KISS1: variants seen among roughly 807,000 people sequenced by gnomAD.
The protein encoded by KISS1 is KiSS-1 metastasis suppressor.
For synonymous variants in KISS1, 97 were observed against 88.7 expected, an observed-to-expected ratio of 1.09 and a Z score of -0.52; for missense variants, 182 against 182.7, an observed-to-expected ratio of 1.00 and a Z score of 0.02.
In KISS1 at chr1:204,190,409, T is replaced by TTGGCCCCCCCCCCCCCC; in HGVS notation, c.*74_*75insGGGGGGGGGGGGGGCCA. Reference sequence around the variant, plus strand: ...CAGCGCCCCCTCCCTTAGCCCTACGTCCCCGCCCCCCGCCCCCGCCCCGCA... The same window carrying TTGGCCCCCCCCCCCCCC: ...CAGCGCCCCCTCCCTTAGCCCTACGTTGGCCCCCCCCCCCCCCCCCCGCCCCCCGCCCCCGCCCCGCA... On this transcript the variant is annotated 3_prime_UTR_variant, in exon 3 of 3. Transcript: ENST00000367194. 2 of 570,138 alleles carry TTGGCCCCCCCCCCCCCC rather than the reference T, an allele frequency of 3.5e-6. No homozygotes were observed. The highest frequency in any genetic ancestry group is 6.2e-6 in the Non-Finnish European group (2 of 320,586). The allele number at this position is 570,138 out of a possible 1,614,324, so 35.3% of individuals were successfully genotyped here. A position where few individuals can be genotyped will look rare whatever the true frequency, so the allele number is the denominator to read the frequency against.
Position 204,190,416 on chromosome 1 carries a change from C to CAA in KISS1, c.*67_*68insTT, listed in dbSNP as rs35128240. The CAA allele has an allele frequency of 7.4e-5, 45 of 606,962 alleles. 3 individuals are homozygous for CAA. The highest frequency in any genetic ancestry group is 2.4e-5 in the Non-Finnish European group (8 of 337,298). The allele number at this position is 606,962 out of a possible 1,614,324, so 37.6% of individuals were successfully genotyped here. A position where few individuals can be genotyped will look rare whatever the true frequency, so the allele number is the denominator to read the frequency against. The stretch of plus-strand genomic sequence containing the variant: ...CCCTCCCTTAGCCCTACGTCCCCGC[C>CAA]CCCCGCCCCCGCCCCGCATGCTCTG... On this transcript the variant is annotated 3_prime_UTR_variant, in exon 3 of 3. Transcript: ENST00000367194.
At chr1:204,196,086 T>C (rs932028738) in intron 1 of KISS1, among the ~76,000 whole-genome samples, 14 of 152,230 alleles carry the variant, frequency 9.2e-5, no homozygotes, top group African/African-American at 3.1e-4. Flanking sequence ...TGGTCTCTAA[T>C]TCCAGCCACA....
intron 1 of KISS1, among the ~76,000 whole-genome samples, chr1:204,194,090 C>G (rs765264933): frequency 1.3e-5 from 2 of 152,120 alleles, no homozygotes; most frequent in Non-Finnish European, 2.9e-5. Flanking sequence ...ACACCCCCAC[C>G]CCCCATTCCT....
At chr1:204,194,642 A>G (rs1658802296) in intron 1 of KISS1, among the ~76,000 whole-genome samples, 1 of 152,216 alleles carries the variant, frequency 6.6e-6, no homozygotes, top group Admixed American at 6.5e-5. Context: ...TACCGGATGC[A>G]TGTGAATCCA....
chr1:204,195,257 AT>A (rs1435337776), intron 1 of KISS1, among the ~76,000 whole-genome samples: 5 of 80,604 alleles, frequency 6.2e-5, no homozygotes, highest in Non-Finnish European at 1.3e-4. Flanking sequence ...ATACACACAC[AT>A]CATACACACA....
At chr1:204,195,478 CAT>C (rs1658840342) in intron 1 of KISS1, among the ~76,000 whole-genome samples, 1 of 147,100 alleles carries the variant, frequency 6.8e-6, no homozygotes, top group Non-Finnish European at 1.5e-5. Context: ...TACACACATC[CAT>C]ACATACACAT....
In KISS1 at chr1:204,192,256, G is replaced by A. The variant is rs1288069931; in HGVS notation, c.103+518C>T. 1.3e-5 allele frequency among the ~76,000 whole-genome samples: 2 copies of A among 152,084 alleles called. No individual in the cohort carries two copies. The highest frequency in any genetic ancestry group is 2.9e-5 in the Non-Finnish European group (2 of 68,018). ...CTGACACCTGCTGGGTTTCCACAGTGTTTGAGCGACTCTGGGGAAATCTCT... is the reference window on the plus strand; with the variant it reads ...CTGACACCTGCTGGGTTTCCACAGTATTTGAGCGACTCTGGGGAAATCTCT... On this transcript the variant is annotated intron_variant, in intron 2 of 2. Transcript: ENST00000367194. The surrounding 1 kb of genome is among the most constrained non-coding windows in gnomAD (Gnocchi z 4.2).
At chr1:204,191,868 C>G (rs1259911787) in intron 2 of KISS1, among the ~76,000 whole-genome samples, 2 of 152,164 alleles carry the variant, frequency 1.3e-5, no homozygotes, top group Admixed American at 6.5e-5. Context: ...TCACCTAAAG[C>G]CTTTTGCCAA....
rs557738845 is a variant in KISS1 at position 204,191,814 on chromosome 1, G to A, written c.103+960C>T. On this transcript the variant is annotated intron_variant, in intron 2 of 2. Coordinates refer to ENST00000367194, the MANE Select transcript of KISS1 (RefSeq NM_002256.4). ...GATGGCTTCCTCCCCAGTTGCGCAC[G>A]CTAGACCAGTAGTAAATCACTGTTC... 2.8e-3 allele frequency among the ~76,000 whole-genome samples: 425 copies of A among 152,318 alleles called. 2 individuals are homozygous for A. The highest frequency in any genetic ancestry group is 6.0e-3 in the Admixed American group (92 of 15,302).
intron 1 of KISS1, among the ~76,000 whole-genome samples, chr1:204,195,208 TATACGCACACACCCATACACATATAC>T (rs1658818239): frequency 7.4e-3 from 14 of 1,904 alleles, no homozygotes; most frequent in African/African-American, 0.012. Context: ...CACACACATA[TATACGCACACACCCATACACATATAC>T]ACGCATACAC....
chr1:204,190,430 C>CCCCCCA lies in KISS1; in HGVS notation c.*53_*54insTGGGGG. ...TACGTCCCCGCCCCCCGCCCCCGCC[C>CCCCCCA]CGCATGCTCTGACTCCTTTGGGGTC... On this transcript the variant is annotated 3_prime_UTR_variant, in exon 3 of 3. Coordinates refer to ENST00000367194, the MANE Select transcript of KISS1 (RefSeq NM_002256.4). 2.8e-6 allele frequency: 3 copies of CCCCCCA among 1,079,940 alleles called. No individual in the cohort carries two copies. The highest frequency in any genetic ancestry group is 2.0e-5 in the Admixed American group (1 of 50,188). 66.9% of individuals were successfully genotyped at this position (1,079,940 alleles called of 1,614,324 possible). A position where few individuals can be genotyped will look rare whatever the true frequency, so the allele number is the denominator to read the frequency against.
At chr1:204,195,423 CACAT>C (rs1310636156) in intron 1 of KISS1, among the ~76,000 whole-genome samples, 19 of 150,520 alleles carry the variant, frequency 1.3e-4, no homozygotes, top group East Asian at 2.0e-4. Flanking sequence ...ACACCACACA[CACAT>C]ATACACACAT....
At chr1:204,195,989 A>G (rs1658851335) in intron 1 of KISS1, among the ~76,000 whole-genome samples, 2 of 152,118 alleles carry the variant, frequency 1.3e-5, no homozygotes, top group African/African-American at 4.8e-5. Context: ...TGTATTTGCC[A>G]TCTGTAATTT....
At chr1:204,195,605 T>C (rs1287377472) in intron 1 of KISS1, among the ~76,000 whole-genome samples, 1 of 142,552 alleles carries the variant, frequency 7.0e-6, no homozygotes, top group Non-Finnish European at 1.5e-5. Flanking sequence ...GCCACACACA[T>C]ATACACACAT....
In KISS1 at chr1:204,190,422, C is replaced by G; in HGVS notation, c.*62G>C. 1 of 733,242 alleles carries G rather than the reference C, an allele frequency of 1.4e-6. No individual in the cohort carries two copies. The highest frequency in any genetic ancestry group is 2.3e-6 in the Non-Finnish European group (1 of 427,864). 45.4% of individuals were successfully genotyped at this position (733,242 alleles called of 1,614,324 possible). A position where few individuals can be genotyped will look rare whatever the true frequency, so the allele number is the denominator to read the frequency against. ...CTTAGCCCTACGTCCCCGCCCCCCG[C>G]CCCCGCCCCGCATGCTCTGACTCCT... On this transcript the variant is annotated 3_prime_UTR_variant, in exon 3 of 3. Coordinates refer to ENST00000367194, the MANE Select transcript of KISS1 (RefSeq NM_002256.4).
chr1:204,193,722 C>T (rs1016009436), intron 1 of KISS1, among the ~76,000 whole-genome samples: 7 of 152,120 alleles, frequency 4.6e-5, no homozygotes, highest in Admixed American at 3.3e-4. Context: ...GAATTGGCCT[C>T]ATCATTTTGG....
rs60102654 is a variant in KISS1 at position 204,195,173 on chromosome 1, A to C, written c.-39+1203T>G. ...CCCCCACACCACACACATACACCAC[A>C]CACACCACACATGCACACACACACC... On this transcript the variant is annotated intron_variant, in intron 1 of 2. Coordinates refer to ENST00000367194, the MANE Select transcript of KISS1 (RefSeq NM_002256.4). Among the ~76,000 whole-genome samples, 5 of 151,222 alleles carry C rather than the reference A, an allele frequency of 3.3e-5. No homozygotes were observed. The East Asian group carries it at 7.8e-4, about 24-fold the overall frequency.
At position 204,192,805 on chromosome 1, in the gene KISS1, CT is replaced by C; in HGVS notation, c.71del (p.Lys24ArgfsTer15). On this transcript the variant is annotated frameshift_variant, in exon 2 of 3. Transcript: ENST00000367194. LOFTEE classifies it low-confidence loss of function (END_TRUNC). The surrounding 1 kb of genome is among the most constrained non-coding windows in gnomAD (Gnocchi z 4.2). ...GTCTAGAATTCCCCACAGAGGCCAC[CT>C]TTTCTAATGGCTCCCCAAAGTGGGT... Reference protein sequence around the residue: ...CATHFGEPLEKVASVGNSRPT... With the variant: ...CATHFGEPLEXVASVGNSRPT... 1 of 1,599,778 alleles carries C rather than the reference CT, an allele frequency of 6.3e-7. No homozygotes were observed. Among genetic ancestry groups the C allele is most frequent in the Non-Finnish European group, 8.5e-7 (1 of 1,171,480 alleles).
At chr1:204,191,272 TC>T (rs1658738745) in intron 2 of KISS1, among the ~76,000 whole-genome samples, 1 of 152,044 alleles carries the variant, frequency 6.6e-6, no homozygotes. Flanking sequence ...GTAACAGAAA[TC>T]GAGAAAGTGG....
Sources: gnomAD v4.1 joint callset for allele counts (sites outside exome capture counted in the v4.1 genomes callset) on GRCh38, gnomAD v4.1.1 for gene constraint, Gnocchi (gnomAD v3.1) non-coding constraint, MANE v1.5 for transcripts, NCBI Gene and HGNC (gene_info 2026-07-23, HGNC 2026-07-21) for gene names.